Variants in RALGAPA2 observed in about 807,000 individuals in gnomAD.
RALGAPA2 encodes Ral GTPase activating protein catalytic subunit alpha 2.
Under a neutral mutation model 230.4 loss-of-function variants are expected in RALGAPA2, and 139 were observed. That is an observed-to-expected ratio of 0.60 (90% confidence interval 0.53 to 0.69). RALGAPA2 has a LOEUF of 0.69. Among genes scored for constraint, RALGAPA2 ranks in the 30% least tolerant of loss-of-function variants. The pLI is 0.00. For synonymous variants in RALGAPA2, 847 were observed against 837.8 expected, an observed-to-expected ratio of 1.01 and a Z score of -0.19; for missense variants, 2,163 against 2,276.0, an observed-to-expected ratio of 0.95 and a Z score of 1.01.
intron 39 of RALGAPA2, 74 bp from the exon 40 acceptor site, chr20:20,393,327 C>G (rs1297041629): frequency 8.9e-7 from 1 of 1,121,564 alleles, no homozygotes; most frequent in East Asian, 6.1e-5. Flanking sequence ...CAGGGAGGAT[C>G]TGTGGCACTC....
intron 37 of RALGAPA2, among the ~76,000 whole-genome samples, chr20:20,449,883 G>A (rs754637529): frequency 2.6e-5 from 4 of 152,128 alleles, no homozygotes; most frequent in East Asian, 1.9e-4. Flanking sequence ...AGAATGGCCC[G>A]AAGACATGTG....
At chr20:20,673,001 G>A (rs113341421) in intron 3 of RALGAPA2, among the ~76,000 whole-genome samples, 11,960 of 151,852 alleles carry the variant, frequency 0.079, 516 homozygotes, top group Non-Finnish European at 0.093. Context: ...TGGCTAACAC[G>A]GTGAAAACCC....
intron 20 of RALGAPA2, among the ~76,000 whole-genome samples, chr20:20,582,038 C>T (rs1406216745): frequency 6.6e-6 from 1 of 152,150 alleles, no homozygotes; most frequent in African/African-American, 2.4e-5. Context: ...ACGAGTCTCT[C>T]CTGACACTCC....
intron 16 of RALGAPA2, 68 bp from the exon 17 acceptor site, chr20:20,591,382 A>C (rs1602974422): frequency 6.8e-7 from 1 of 1,473,000 alleles, no homozygotes; most frequent in Non-Finnish European, 9.2e-7. Context: ...ACCACTTAAA[A>C]CAACCGATTT....
chr20:20,469,223 T>C (rs1182186621), intron 37 of RALGAPA2, among the ~76,000 whole-genome samples: 1 of 152,148 alleles, frequency 6.6e-6, no homozygotes, highest in Non-Finnish European at 1.5e-5. Context: ...TTTGACTTAT[T>C]TTCTGAAATG....
intron 35 of RALGAPA2, among the ~76,000 whole-genome samples, chr20:20,496,333 T>C (rs1202474634): frequency 6.6e-6 from 1 of 152,092 alleles, no homozygotes; most frequent in African/African-American, 2.4e-5. Context: ...GACCGTACCA[T>C]CTCAAGCTGG....
At chr20:20,505,007 G>C (rs2062490368) in intron 34 of RALGAPA2, 3 of 984,482 alleles carry the variant, frequency 3.0e-6, no homozygotes, top group African/African-American at 3.5e-5. Context: ...TATTTTCATT[G>C]CAACTTTTGA....
At chr20:20,629,320 AACACACACACACACACAC>A (rs11467035) in intron 10 of RALGAPA2, 25 bp downstream of exon 10, 7 of 1,108,492 alleles carry the variant, frequency 6.3e-6, no homozygotes, top group Middle Eastern at 2.1e-4. Context: ...AAGAACTTGT[AACACACACACACACACAC>A]ACACACACAC....
chr20:20,580,073 C>T (rs938887448), intron 20 of RALGAPA2, among the ~76,000 whole-genome samples: 1 of 152,098 alleles, frequency 6.6e-6, no homozygotes, highest in African/African-American at 2.4e-5. Context: ...TTTTATTTCT[C>T]AGAGCATCTA....
intron 37 of RALGAPA2, among the ~76,000 whole-genome samples, chr20:20,451,859 T>C (rs1342338886): frequency 1.3e-5 from 2 of 152,210 alleles, no homozygotes; most frequent in East Asian, 1.9e-4. Flanking sequence ...CCTTATTTAG[T>C]ATACTAGAAG....
At chr20:20,418,340 A>G (rs1010735299) in intron 37 of RALGAPA2, among the ~76,000 whole-genome samples, 9 of 152,216 alleles carry the variant, frequency 5.9e-5, no homozygotes, top group Admixed American at 3.3e-4. Context: ...AATATGTAAT[A>G]ATGCCAAATG....
chr20:20,707,501 T>A (rs946037295), intron 1 of RALGAPA2, among the ~76,000 whole-genome samples: 1 of 152,162 alleles, frequency 6.6e-6, no homozygotes, highest in African/African-American at 2.4e-5. Context: ...ATGTTTGTAC[T>A]TAAAAATGAG....
intron 37 of RALGAPA2, among the ~76,000 whole-genome samples, chr20:20,421,989 T>C (rs2060286523): frequency 6.6e-6 from 1 of 152,194 alleles, no homozygotes; most frequent in South Asian, 2.1e-4. Flanking sequence ...GTGACACGGA[T>C]GGACTTTGCA....
At chr20:20,473,073 G>T in intron 36 of RALGAPA2, 117 bp from the exon 37 acceptor site, 1 of 1,125,478 alleles carries the variant, frequency 8.9e-7, no homozygotes, top group Non-Finnish European at 1.2e-6. Context: ...CACCCACAGA[G>T]CAGACGCTGA....
intron 25 of RALGAPA2, among the ~76,000 whole-genome samples, chr20:20,536,344 T>A (rs942337878): frequency 3.9e-5 from 6 of 152,232 alleles, no homozygotes; most frequent in Non-Finnish European, 8.8e-5. Flanking sequence ...GATGCACTAA[T>A]GCAGTTAGTT....
chr20:20,686,253 T>C (rs1484301686), intron 1 of RALGAPA2, among the ~76,000 whole-genome samples: 1 of 152,102 alleles, frequency 6.6e-6, no homozygotes, highest in Admixed American at 6.6e-5. Flanking sequence ...ATCTTAAAAA[T>C]AGGGCTAACA....
At chr20:20,559,624 T>C (rs558262050) in intron 23 of RALGAPA2, among the ~76,000 whole-genome samples, 9 of 152,306 alleles carry the variant, frequency 5.9e-5, no homozygotes, top group Non-Finnish European at 8.8e-5. Context: ...ATTTTGATTT[T>C]TAATGTACAT....
chr20:20,582,170 GTGTGTGTGTGTGTGTGTGTGTGTGTGTC>G (rs1453495199), intron 20 of RALGAPA2, among the ~76,000 whole-genome samples: 10 of 137,432 alleles, frequency 7.3e-5, no homozygotes, highest in Admixed American at 7.0e-4. Flanking sequence ...CAGTGTGTGT[GTGTGTGTGTGTGTGTGTGTGTGTGTGTC>G]TGTGTGTGTG....
chr20:20,532,625 T>A (rs1480490823), intron 26 of RALGAPA2, among the ~76,000 whole-genome samples: 2 of 152,138 alleles, frequency 1.3e-5, no homozygotes, highest in African/African-American at 4.8e-5. Flanking sequence ...AGATGTCAAG[T>A]AGGCCGTTTA....
Sources: allele counts gnomAD v4.1 joint callset (sites outside exome capture counted in the v4.1 genomes callset), GRCh38; gene constraint gnomAD v4.1.1; transcripts MANE v1.5; gene names NCBI Gene and HGNC (gene_info 2026-07-23, HGNC 2026-07-21).